LEF1: variants seen among roughly 807,000 people sequenced by gnomAD.
The protein encoded by LEF1 is lymphoid enhancer binding factor 1.
Under a neutral mutation model 51.2 loss-of-function variants are expected in LEF1, and 14 were observed. The ratio of observed to expected loss-of-function variants is 0.27; its 90% CI spans 0.18 to 0.43. The LOEUF is 0.43. LEF1 is among the 20% of genes least tolerant of loss of function. The pLI is 1.00. For missense variants in LEF1, 386 were observed against 512.0 expected, an observed-to-expected ratio of 0.75 and a Z score of 2.37; for synonymous variants, 185 against 183.2, an observed-to-expected ratio of 1.01 and a Z score of -0.08.
At chr4:108,129,350 C>T (rs1317013674) in intron 3 of LEF1, among the ~76,000 whole-genome samples, 2 of 152,190 alleles carry the variant, frequency 1.3e-5, no homozygotes, top group African/African-American at 4.8e-5. Context: ...GCTTTCTTTA[C>T]CTCTAGCATT....
chr4:108,096,269 G>C (rs1740387247), intron 3 of LEF1, among the ~76,000 whole-genome samples: 1 of 152,106 alleles, frequency 6.6e-6, no homozygotes, highest in Admixed American at 6.5e-5. Context: ...GGAGAAACAG[G>C]AGGAGGAGGA....
At chr4:108,112,189 C>G (rs1741574720) in intron 3 of LEF1, among the ~76,000 whole-genome samples, 1 of 152,146 alleles carries the variant, frequency 6.6e-6, no homozygotes, top group Admixed American at 6.5e-5. Flanking sequence ...TTAGAAGCTT[C>G]CATCTCTGGA....
chr4:108,116,767 G>A (rs1741870312), intron 3 of LEF1, among the ~76,000 whole-genome samples: 1 of 152,212 alleles, frequency 6.6e-6, no homozygotes, highest in African/African-American at 2.4e-5. Context: ...TGTGTGCCCT[G>A]TGTGTTTTCA....
chr4:108,157,166 C>CTATA lies in LEF1; in HGVS notation c.414+6401_414+6402insTATA, dbSNP rs1242263842. 4.2e-3 allele frequency among the ~76,000 whole-genome samples: 493 copies of CTATA among 116,122 alleles called. 4 individuals carry two copies. The highest frequency in any genetic ancestry group is 6.0e-3 in the Non-Finnish European group (339 of 56,310). The allele number at this position is 116,122 out of a possible 152,430, so 76.2% of individuals were successfully genotyped here. ...CTCTTCATTCTCTCTCTCTCTCTCTCTCTATATATATATACACACACACAC... is the reference window on the plus strand; with the variant it reads ...CTCTTCATTCTCTCTCTCTCTCTCTCTATATCTATATATATATACACACACACAC... On this transcript the variant is annotated intron_variant, in intron 3 of 11. Transcript: ENST00000265165.
At chr4:108,108,283 T>A (rs544604904) in intron 3 of LEF1, among the ~76,000 whole-genome samples, 1 of 152,170 alleles carries the variant, frequency 6.6e-6, no homozygotes, top group African/African-American at 2.4e-5. Flanking sequence ...AAGCCTAACA[T>A]TGTGCTGGTA....
In LEF1 at chr4:108,078,247, T is replaced by C; in HGVS notation, c.981A>G (p.Ala327=). The C allele has an allele frequency of 6.2e-7, 1 of 1,614,188 alleles. No homozygotes were observed. The highest frequency in any genetic ancestry group is 8.5e-7 in the Non-Finnish European group (1 of 1,180,028). Reference sequence around the variant, plus strand: ...TTCTGCCAAGAATCTGGTTGATAGCTGCACTTTCTTTTAGAGTACACTCAG... The same window carrying C: ...TTCTGCCAAGAATCTGGTTGATAGCCGCACTTTCTTTTAGAGTACACTCAG... ...VVAECTLKES[A]AINQILGRRW... The change falls in exon 8 of 12, where the codon GCA becomes GCG. Residue 327 remains alanine, a synonymous_variant. Transcript: ENST00000265165.
At chr4:108,081,839 C>G (rs1739328390) in intron 5 of LEF1, among the ~76,000 whole-genome samples, 170 bp from the exon 6 acceptor site, 1 of 152,190 alleles carries the variant, frequency 6.6e-6, no homozygotes, top group Non-Finnish European at 1.5e-5. Context: ...TTACCCTCCA[C>G]CCAATCAAAG....
At chr4:108,068,307 G>A (rs1219868097) in intron 9 of LEF1, among the ~76,000 whole-genome samples, 3 of 151,518 alleles carry the variant, frequency 2.0e-5, no homozygotes, top group African/African-American at 7.3e-5. Flanking sequence ...CAAAAAGAAG[G>A]TACTGGAAGA....
chr4:108,071,696 C>T (rs1042877433), intron 8 of LEF1: 1 of 152,278 alleles, frequency 6.6e-6, no homozygotes, highest in African/African-American at 2.4e-5. Context: ...ATTTTCCCAA[C>T]TTCCCCAATG....
chr4:108,066,754 T>A (rs1437275894), intron 9 of LEF1, among the ~76,000 whole-genome samples: 1 of 152,026 alleles, frequency 6.6e-6, no homozygotes, highest in Non-Finnish European at 1.5e-5. Flanking sequence ...AAACAAAAAA[T>A]TTTTTTTGTT....
At chr4:108,058,064 C>CG (rs1488475674) in intron 11 of LEF1, among the ~76,000 whole-genome samples, 7 of 151,634 alleles carry the variant, frequency 4.6e-5, no homozygotes, top group South Asian at 4.2e-4. Context: ...TAGTTAGAGA[C>CG]GGGGTTTCAC....
intron 3 of LEF1, among the ~76,000 whole-genome samples, chr4:108,103,757 G>A (rs958328874): frequency 6.6e-6 from 1 of 152,212 alleles, no homozygotes; most frequent in South Asian, 2.1e-4. Context: ...TAATTCAGTT[G>A]TTTTCTCTAA....
intron 4 of LEF1, among the ~76,000 whole-genome samples, chr4:108,088,465 A>C (rs1218013353): frequency 6.6e-6 from 1 of 152,224 alleles, no homozygotes; most frequent in Admixed American, 6.5e-5. Context: ...GGCTTGGTGC[A>C]CCAGAGCTCT....
At chr4:108,158,476 T>C (rs1301033479) in intron 3 of LEF1, among the ~76,000 whole-genome samples, 2 of 152,062 alleles carry the variant, frequency 1.3e-5, no homozygotes, top group Non-Finnish European at 2.9e-5. Context: ...ACCTACATAA[T>C]GCTGAGCTCT....
At chr4:108,053,012 C>G (rs1395834877) in intron 11 of LEF1, among the ~76,000 whole-genome samples, 2 of 152,178 alleles carry the variant, frequency 1.3e-5, no homozygotes, top group Non-Finnish European at 2.9e-5. Context: ...CCTCTGAACT[C>G]TCAACATGTG....
In LEF1 at chr4:108,167,337, T is replaced by A. The variant is rs1313294459; in HGVS notation, c.213+218A>T. ...CATTTGGAATAAGTTACCCTGCCCC[T>A]CTACCTCCCATCCTACACACACACA... On this transcript the variant is annotated intron_variant, in intron 1 of 11. Transcript: ENST00000265165. The surrounding 1 kb of genome is among the most constrained non-coding windows in gnomAD (Gnocchi z 5.7). Among the ~76,000 whole-genome samples, 1 of 142,162 alleles carries A rather than the reference T, an allele frequency of 7.0e-6. No homozygotes were observed. The highest frequency in any genetic ancestry group is 7.1e-5 in the Admixed American group (1 of 14,150). 93.3% of individuals were successfully genotyped at this position (142,162 alleles called of 152,430 possible).
intron 11 of LEF1, 36 bp downstream of exon 11, chr4:108,063,587 C>T: frequency 6.5e-7 from 1 of 1,542,442 alleles, no homozygotes; most frequent in Non-Finnish European, 8.8e-7. Context: ...TTTATAACAA[C>T]TAACGTCAGC....
chr4:108,067,971 C>T (rs1014446967), intron 9 of LEF1, among the ~76,000 whole-genome samples: 2 of 151,924 alleles, frequency 1.3e-5, no homozygotes, highest in Admixed American at 6.6e-5. Flanking sequence ...CTACAGCAGT[C>T]TTAAGAAGGC....
intron 6 of LEF1, among the ~76,000 whole-genome samples, chr4:108,081,271 C>A (rs1188004200): frequency 6.6e-6 from 1 of 152,164 alleles, no homozygotes; most frequent in African/African-American, 2.4e-5. Flanking sequence ...CAAACAAACT[C>A]TTCTTGTAAT....
Sources: allele counts gnomAD v4.1 joint callset (sites outside exome capture counted in the v4.1 genomes callset), GRCh38; gene constraint gnomAD v4.1.1; non-coding constraint Gnocchi (gnomAD v3.1); transcripts MANE v1.5; gene names NCBI Gene and HGNC (gene_info 2026-07-23, HGNC 2026-07-21).